GAPVD1: variants seen among roughly 807,000 people sequenced by gnomAD.
GAPVD1 encodes GTPase activating protein and VPS9 domains 1, also known as GTPase-activating protein and VPS9 domain-containing protein 1.
A neutral mutation model predicts 155.5 loss-of-function variants in GAPVD1; 35 were observed. The observed-to-expected ratio is 0.23, with a 90% CI of 0.17 to 0.30. The LOEUF is 0.30. Ranked by LOEUF, GAPVD1 falls within the 10% of genes least tolerant of loss-of-function variation. GAPVD1 has a pLI of 1.00. For missense variants in GAPVD1, 1,429 were observed against 1,775.7 expected (o/e 0.80, Z 3.51); for synonymous variants, 636 against 619.7 (o/e 1.03, Z -0.39).
At chr9:125,341,100 C>A (rs764458797) in intron 17 of GAPVD1, 77 bp from the exon 18 acceptor site, 15 of 841,010 alleles carry the variant, frequency 1.8e-5, no homozygotes, top group Non-Finnish European at 2.9e-5. Flanking sequence ...AAAACAAAAA[C>A]AAACAAAAAG....
At chr9:125,294,908 G>A (rs10986687) in intron 2 of GAPVD1, among the ~76,000 whole-genome samples, 1,960 of 152,020 alleles carry the variant, frequency 0.013, 103 homozygotes, top group East Asian at 0.088. Context: ...GAACTTTAAG[G>A]AGTAAATTTT....
chr9:125,341,985 C>T, intron 18 of GAPVD1: 1 of 368,566 alleles, frequency 2.7e-6, no homozygotes, highest in Non-Finnish European at 4.9e-6. Flanking sequence ...GATTTTAGTC[C>T]CAATGGATTC....
In GAPVD1 at chr9:125,330,812, T is replaced by C. The variant is rs543614152; in HGVS notation, c.2173+594T>C. 2.6e-5 allele frequency among the ~76,000 whole-genome samples: 4 copies of C among 152,374 alleles called. 1 individual carries two copies. The highest frequency in any genetic ancestry group is 2.6e-4 in the Admixed American group (4 of 15,312). ...TGATTATCAGAGTCCGTGTGAATCA[T>C]TGAATTTAGTATCTTCCACAAACTC... On this transcript the variant is annotated intron_variant, in intron 13 of 27. Transcript: ENST00000297933.
At chr9:125,303,560 T>A (rs907994576) in intron 5 of GAPVD1, among the ~76,000 whole-genome samples, 1 of 151,840 alleles carries the variant, frequency 6.6e-6, no homozygotes, top group Non-Finnish European at 1.5e-5. Context: ...GCGGATCACC[T>A]GATGTCCAGA....
chr9:125,344,891 AT>A (rs1423671311), intron 19 of GAPVD1, among the ~76,000 whole-genome samples: 1 of 152,098 alleles, frequency 6.6e-6, no homozygotes, highest in Non-Finnish European at 1.5e-5. Context: ...ATCAGTTTAC[AT>A]TTGGAGACAG....
At chr9:125,279,430 G>T (rs1267402411) in intron 2 of GAPVD1, among the ~76,000 whole-genome samples, 1 of 151,632 alleles carries the variant, frequency 6.6e-6, no homozygotes, top group Non-Finnish European at 1.5e-5. Context: ...AATTATCTGG[G>T]TGTGGTGGCA....
chr9:125,295,234 C>CT (rs1321461352), intron 2 of GAPVD1, among the ~76,000 whole-genome samples: 1 of 151,902 alleles, frequency 6.6e-6, no homozygotes, highest in Middle Eastern at 3.2e-3. Context: ...AGGAAACAAA[C>CT]TGATTTATTT....
intron 22 of GAPVD1, 142 bp from the exon 23 acceptor site, chr9:125,350,571 G>T (rs190059469): frequency 1.3e-3 from 861 of 681,354 alleles, no homozygotes; most frequent in Admixed American, 3.7e-3. Flanking sequence ...ATTTATTAAA[G>T]TATTTTCTAA....
chr9:125,263,166 G>T (rs1305965953), intron 1 of GAPVD1, among the ~76,000 whole-genome samples: 1 of 152,242 alleles, frequency 6.6e-6, no homozygotes, highest in Non-Finnish European at 1.5e-5. Flanking sequence ...AACTGCCAAT[G>T]AGGTCCGTGC....
Position 125,302,174 on chromosome 9 carries a change from A to G in GAPVD1, c.377A>G (p.Gln126Arg), listed in dbSNP as rs745509501. 1 of 1,613,776 alleles carries G rather than the reference A, an allele frequency of 6.2e-7. No homozygotes were observed. The highest frequency in any genetic ancestry group is 2.2e-5 in the East Asian group (1 of 44,890). The change falls in exon 5 of 28, where the codon CAA becomes CGA. Residue 126 changes from glutamine (Q) to arginine (R), a missense_variant. By Grantham distance (43) the Gln-to-Arg change is conservative. This residue lies in a region of GAPVD1 where 628 missense variants were observed against 733.4 expected (regional missense o/e 0.86). Transcript: ENST00000297933. ...AGEKLNQENTQSVIYTVFTSL... is the reference protein window; with the variant it reads ...AGEKLNQENTRSVIYTVFTSL... Reference sequence around the variant, plus strand: ...GAGAAACTTAATCAGGAGAACACACAAAGTGTTATTTACACAGTTTTTACC... The same window carrying G: ...GAGAAACTTAATCAGGAGAACACACGAAGTGTTATTTACACAGTTTTTACC...
At chr9:125,280,635 G>A (rs1445324562) in intron 2 of GAPVD1, among the ~76,000 whole-genome samples, 2 of 150,086 alleles carry the variant, frequency 1.3e-5, no homozygotes, top group African/African-American at 4.9e-5. Flanking sequence ...GAGTGCAGTG[G>A]CGCAATCTTG....
chr9:125,342,365 T>G, intron 19 of GAPVD1, 66 bp downstream of exon 19: 2 of 899,164 alleles, frequency 2.2e-6, no homozygotes, highest in South Asian at 2.6e-5. Flanking sequence ...ACACTTTTTC[T>G]TGGGTGCCAT....
In GAPVD1 at chr9:125,355,708, T is replaced by G. The variant is rs1328189839; in HGVS notation, c.3822T>G (p.Leu1274=). 1 of 1,613,786 alleles carries G rather than the reference T, an allele frequency of 6.2e-7. No homozygotes were observed. Among genetic ancestry groups the G allele is most frequent in the Non-Finnish European group, 8.5e-7 (1 of 1,179,778 alleles). The change falls in exon 25 of 28, where the codon CTT becomes CTG. Residue 1274 remains leucine (L), a synonymous_variant. Transcript: ENST00000297933. ...AGGTAGAAGATTTTCTGCAGTTTCT[T>G]TATGGTGCAATGGCCCAGGATGTCA... ...TAQVEDFLQF[L]YGAMAQDVIW...
chr9:125,342,841 A>G (rs1244968289), intron 19 of GAPVD1, among the ~76,000 whole-genome samples: 1 of 152,162 alleles, frequency 6.6e-6, no homozygotes, highest in East Asian at 1.9e-4. Flanking sequence ...TGAAAGTTTT[A>G]AAAACTTTAC....
At chr9:125,264,367 A>T (rs891278427) in intron 1 of GAPVD1, among the ~76,000 whole-genome samples, 1 of 152,036 alleles carries the variant, frequency 6.6e-6, no homozygotes, top group African/African-American at 2.4e-5. Flanking sequence ...GATAATTTTT[A>T]TATTTTTAGT....
At chr9:125,330,444 G>T (rs947505757) in intron 13 of GAPVD1, among the ~76,000 whole-genome samples, 2 of 151,650 alleles carry the variant, frequency 1.3e-5, no homozygotes, top group Non-Finnish European at 2.9e-5. Context: ...TCAGCCTCCT[G>T]AGTAGCTGGG....
intron 25 of GAPVD1, among the ~76,000 whole-genome samples, chr9:125,358,864 TAGAGGGTGGAA>T (rs1850502668): frequency 6.6e-6 from 1 of 152,220 alleles, no homozygotes; most frequent in Non-Finnish European, 1.5e-5. Flanking sequence ...GTGGGGTTTA[TAGAGGGTGGAA>T]AGCCAAAAGA....
At chr9:125,314,766 ACCT>A (rs1843148229) in intron 9 of GAPVD1, among the ~76,000 whole-genome samples, 1 of 151,142 alleles carries the variant, frequency 6.6e-6, no homozygotes, top group South Asian at 2.1e-4. Context: ...TGAAATTGTG[ACCT>A]CCTGAAAAAG....
intron 4 of GAPVD1, among the ~76,000 whole-genome samples, chr9:125,299,349 T>C (rs922317823): frequency 1.3e-5 from 2 of 152,180 alleles, no homozygotes; most frequent in African/African-American, 4.8e-5. Flanking sequence ...TGGTTTTGTG[T>C]CTTTGTCTAT....
Sources: allele counts gnomAD v4.1 joint callset (sites outside exome capture counted in the v4.1 genomes callset), GRCh38; gene constraint gnomAD v4.1.1; regional missense constraint gnomAD v4.1.1; transcripts MANE v1.5; gene names NCBI Gene and HGNC (gene_info 2026-07-23, HGNC 2026-07-21).